The following VPS41 variants were observed in gnomAD, a reference collection of about 807,000 sequenced individuals.
VPS41 encodes vacuolar protein sorting-associated protein 41 homolog.
A neutral mutation model predicts 130.9 loss-of-function variants in VPS41; 85 were observed. The observed-to-expected ratio is 0.65, with a 90% CI of 0.55 to 0.78. The LOEUF is 0.78. VPS41 is among the 30% of genes least tolerant of loss of function. The pLI, the probability that VPS41 is intolerant of heterozygous loss-of-function variation, is 0.00. For synonymous variants in VPS41, 335 were observed against 332.9 expected, an observed-to-expected ratio of 1.01 and a Z score of -0.07; for missense variants, 874 against 1,018.7, an observed-to-expected ratio of 0.86 and a Z score of 1.93.
At chr7:38,791,571 C>A (rs6979578) in intron 9 of VPS41, among the ~76,000 whole-genome samples, 88,444 of 151,316 alleles carry the variant, frequency 0.58, 26,460 homozygotes, top group East Asian at 0.88. Flanking sequence ...GGAAGACTTC[C>A]TGGAAGAAGT....
At chr7:38,892,622 T>C (rs1786890984) in intron 2 of VPS41, among the ~76,000 whole-genome samples, 2 of 152,182 alleles carry the variant, frequency 1.3e-5, no homozygotes, top group South Asian at 4.1e-4. Context: ...TGCTTTTGTT[T>C]GAAAATATAT....
intron 7 of VPS41, among the ~76,000 whole-genome samples, chr7:38,801,775 A>G (rs1784731022): frequency 1.3e-5 from 2 of 152,358 alleles, no homozygotes; most frequent in South Asian, 4.1e-4. Flanking sequence ...GGCATAATAA[A>G]TATTAAATAC....
intron 1 of VPS41, 119 bp downstream of exon 1, chr7:38,909,035 G>A (rs1431090342): frequency 2.4e-6 from 3 of 1,246,666 alleles, no homozygotes; most frequent in Non-Finnish European, 3.5e-6. Context: ...CCCTGCCGCG[G>A]ACCTGCCTTG....
At chr7:38,745,505 G>A (rs1584370325) in intron 23 of VPS41, 54 bp downstream of exon 23, 5 of 1,397,106 alleles carry the variant, frequency 3.6e-6, no homozygotes, top group Non-Finnish European at 4.1e-6. Context: ...TTTACTTCAT[G>A]TTGTCATCCC....
chr7:38,755,491 T>C (rs1406399679), intron 19 of VPS41, among the ~76,000 whole-genome samples: 1 of 152,144 alleles, frequency 6.6e-6, no homozygotes, highest in Non-Finnish European at 1.5e-5. Context: ...ACTTTTATCA[T>C]TCAGGAAACA....
At chr7:38,871,137 A>T (rs1316348333) in intron 2 of VPS41, among the ~76,000 whole-genome samples, 5 of 152,212 alleles carry the variant, frequency 3.3e-5, no homozygotes, top group African/African-American at 1.2e-4. Flanking sequence ...CAAAACTGAT[A>T]AGACATCAAC....
At chr7:38,799,588 T>G (rs1482401816) in intron 7 of VPS41, among the ~76,000 whole-genome samples, 2 of 152,180 alleles carry the variant, frequency 1.3e-5, no homozygotes, top group Non-Finnish European at 2.9e-5. Flanking sequence ...ACATTATTCA[T>G]GGATAGTAAG....
chr7:38,827,536 CAATT>C (rs928460500), intron 5 of VPS41, among the ~76,000 whole-genome samples: 21 of 152,270 alleles, frequency 1.4e-4, no homozygotes, highest in Admixed American at 1.1e-3. Context: ...GCAATAAAAA[CAATT>C]AATACATAAC....
At chr7:38,788,134 C>T (rs1784472221) in intron 10 of VPS41, among the ~76,000 whole-genome samples, 2 of 152,062 alleles carry the variant, frequency 1.3e-5, no homozygotes, top group Admixed American at 6.5e-5. Flanking sequence ...TTTCTTATGC[C>T]ATGTCTAATT....
intron 10 of VPS41, among the ~76,000 whole-genome samples, chr7:38,781,099 T>C (rs1784347303): frequency 1.3e-5 from 2 of 152,098 alleles, no homozygotes; most frequent in African/African-American, 4.8e-5. Flanking sequence ...AATTATCCAG[T>C]CTCAGGAATT....
chr7:38,816,778 C>T (rs1785058487), intron 7 of VPS41, among the ~76,000 whole-genome samples: 1 of 152,156 alleles, frequency 6.6e-6, no homozygotes, highest in Admixed American at 6.5e-5. Flanking sequence ...CAGGGTCTTG[C>T]TCTTTCACCC....
rs1464621244 is a variant in VPS41 at position 38,809,565 on chromosome 7, CT to C, written c.450+8251del. ...AATCCAATTTATTATTTGCAGACCA[CT>C]GCTGGAAGCTTATAGAAGCTGGCTG... On this transcript the variant is annotated intron_variant, in intron 7 of 28. Coordinates refer to ENST00000310301, the MANE Select transcript of VPS41 (RefSeq NM_014396.4). Among the ~76,000 whole-genome samples the C allele has an allele frequency of 3.3e-5, 5 of 152,116 alleles. No individual in the cohort carries two copies. The South Asian group carries it at 1.0e-3, about 31-fold the overall frequency.
intron 5 of VPS41, among the ~76,000 whole-genome samples, chr7:38,828,240 A>AACAC (rs144116233): frequency 2.0e-5 from 3 of 150,496 alleles, no homozygotes; most frequent in South Asian, 2.1e-4. Flanking sequence ...ACTGAAACTG[A>AACAC]ACACACACAC....
intron 7 of VPS41, chr7:38,797,100 G>T: frequency 2.7e-6 from 1 of 376,706 alleles, no homozygotes; most frequent in Non-Finnish European, 4.8e-6. Context: ...ACAAGGCCAA[G>T]CCACAAGGTG....
At chr7:38,741,312 G>C in intron 25 of VPS41, 1 of 337,262 alleles carries the variant, frequency 3.0e-6, no homozygotes, top group Non-Finnish European at 5.9e-6. Context: ...TTTAATTCAA[G>C]TTCTATAGAA....
At chr7:38,898,014 C>A (rs1787047735) in intron 2 of VPS41, 77 bp downstream of exon 2, 1 of 1,383,664 alleles carries the variant, frequency 7.2e-7, no homozygotes, top group African/African-American at 1.4e-5. Context: ...GGGAATGTTG[C>A]ATTTAGCAAA....
At chr7:38,795,356 C>A in intron 9 of VPS41, 109 bp downstream of exon 9, 1 of 843,306 alleles carries the variant, frequency 1.2e-6, no homozygotes, top group Non-Finnish European at 1.8e-6. Context: ...CAATAACATC[C>A]AAGTGAAAAG....
chr7:38,856,205 A>G (rs1335297982), intron 4 of VPS41, among the ~76,000 whole-genome samples: 1 of 152,134 alleles, frequency 6.6e-6, no homozygotes, highest in Non-Finnish European at 1.5e-5. Context: ...CAACCAGGCT[A>G]GAGAGTGCAG....
At chr7:38,879,173 C>T (rs908967607) in intron 2 of VPS41, among the ~76,000 whole-genome samples, 6 of 152,100 alleles carry the variant, frequency 3.9e-5, no homozygotes, top group Non-Finnish European at 7.4e-5. Context: ...GGCACTGAAA[C>T]GACCCACAGT....
Sources: gnomAD v4.1 joint callset for allele counts (sites outside exome capture counted in the v4.1 genomes callset) on GRCh38, gnomAD v4.1.1 for gene constraint, MANE v1.5 for transcripts, NCBI Gene and HGNC (gene_info 2026-07-23, HGNC 2026-07-21) for gene names.